The following BNC2 variants were observed in gnomAD, a reference collection of about 807,000 sequenced individuals.
The protein encoded by BNC2 is basonuclin zinc finger protein 2.
BNC2 carries 20 observed loss-of-function variants against 76.3 expected under a neutral mutation model. The ratio of observed to expected loss-of-function variants is 0.26; its 90% CI spans 0.18 to 0.38. BNC2 has a LOEUF of 0.38. Among genes scored for constraint, BNC2 ranks in the 10% least tolerant of loss-of-function variants. The pLI is 1.00. For missense variants in BNC2, 1,382 were observed against 1,399.8 expected (o/e 0.99, Z 0.20); for synonymous variants, 582 against 514.8 (o/e 1.13, Z -1.77).
chr9:16,601,386 G>A (rs1471850742), intron 3 of BNC2, among the ~76,000 whole-genome samples: 1 of 152,156 alleles, frequency 6.6e-6, no homozygotes, highest in African/African-American at 2.4e-5. Context: ...AGGGAACTGT[G>A]CTGAGATCTA....
intron 3 of BNC2, among the ~76,000 whole-genome samples, chr9:16,583,836 T>C (rs1269686885): frequency 6.6e-6 from 1 of 152,188 alleles, no homozygotes; most frequent in Non-Finnish European, 1.5e-5. Flanking sequence ...AGTACACCTG[T>C]ATTGCAGAAA....
chr9:16,643,972 G>C (rs537359170), intron 3 of BNC2, among the ~76,000 whole-genome samples: 1 of 152,218 alleles, frequency 6.6e-6, no homozygotes, highest in South Asian at 2.1e-4. Context: ...GTGTGGAATG[G>C]GGTAGGGCTA....
chr9:16,637,127 C>T (rs1587261007), intron 3 of BNC2, among the ~76,000 whole-genome samples: 1 of 151,606 alleles, frequency 6.6e-6, no homozygotes, highest in Non-Finnish European at 1.5e-5. Flanking sequence ...TCCTACCATA[C>T]CCTTATGGCT....
At chr9:16,868,899 A>G (rs1294753554) in intron 1 of BNC2, among the ~76,000 whole-genome samples, 4 of 152,274 alleles carry the variant, frequency 2.6e-5, no homozygotes, top group Non-Finnish European at 5.9e-5. Flanking sequence ...GTAACGTGCC[A>G]GAAATAAATT....
At chr9:16,512,194 A>G (rs766986316) in intron 5 of BNC2, among the ~76,000 whole-genome samples, 1 of 152,200 alleles carries the variant, frequency 6.6e-6, no homozygotes, top group Non-Finnish European at 1.5e-5. Context: ...GAAATCCTTA[A>G]AAGGGTGTTT....
At chr9:16,705,333 G>A (rs889953151) in intron 3 of BNC2, among the ~76,000 whole-genome samples, 1 of 152,252 alleles carries the variant, frequency 6.6e-6, no homozygotes, top group Non-Finnish European at 1.5e-5. Context: ...TTTTGGCCGC[G>A]CTGGGCCAGC....
intron 5 of BNC2, among the ~76,000 whole-genome samples, chr9:16,516,836 T>G (rs1817458084): frequency 6.6e-6 from 1 of 152,222 alleles, no homozygotes; most frequent in Admixed American, 6.5e-5. Context: ...ATTCCAAATG[T>G]AGTAAAATAA....
chr9:16,814,817 T>C (rs1430428238), intron 1 of BNC2, among the ~76,000 whole-genome samples: 2 of 152,160 alleles, frequency 1.3e-5, no homozygotes, highest in Non-Finnish European at 2.9e-5. Context: ...CTCAAAGACA[T>C]ACCAAGATAA....
chr9:16,542,492 A>G (rs1186386436), intron 5 of BNC2, among the ~76,000 whole-genome samples: 4 of 152,198 alleles, frequency 2.6e-5, no homozygotes, highest in Non-Finnish European at 4.4e-5. Context: ...CAGGACCACA[A>G]TGGTAGGTTT....
intron 3 of BNC2, among the ~76,000 whole-genome samples, chr9:16,654,371 A>ATCTCAG (rs1821871069): frequency 6.6e-6 from 1 of 152,174 alleles, no homozygotes; most frequent in African/African-American, 2.4e-5. Flanking sequence ...CAGATGTTAA[A>ATCTCAG]ATGTACGTAA....
chr9:16,595,714 T>C (rs1820047760), intron 3 of BNC2, among the ~76,000 whole-genome samples: 1 of 152,122 alleles, frequency 6.6e-6, no homozygotes, highest in Admixed American at 6.5e-5. Flanking sequence ...TTCTCTTTTT[T>C]CTTTTAAAGA....
intron 3 of BNC2, among the ~76,000 whole-genome samples, chr9:16,686,942 A>C (rs940764781): frequency 6.6e-6 from 1 of 152,176 alleles, no homozygotes; most frequent in Admixed American, 6.5e-5. Flanking sequence ...TGAAGTTTAC[A>C]ACCACTCTTT....
intron 3 of BNC2, among the ~76,000 whole-genome samples, chr9:16,678,267 CTTTTTTTTTTTTTTTTTT>C (rs140809930): frequency 2.5e-5 from 2 of 80,718 alleles, no homozygotes; most frequent in Non-Finnish European, 2.2e-5. Flanking sequence ...CTTTCTTTTT[CTTTTTTTTTTTTTTTTTT>C]TTTTTTTTTT....
At chr9:16,815,517 G>A (rs540839321) in intron 1 of BNC2, among the ~76,000 whole-genome samples, 19 of 152,288 alleles carry the variant, frequency 1.2e-4, no homozygotes, top group Non-Finnish European at 2.9e-5. Flanking sequence ...TATAGATGCA[G>A]AATCCCTAAG....
intron 3 of BNC2, among the ~76,000 whole-genome samples, chr9:16,664,685 T>C (rs1822212962): frequency 6.7e-6 from 1 of 148,870 alleles, no homozygotes; most frequent in Non-Finnish European, 1.5e-5. Context: ...AATAAGGGTA[T>C]TCAGGAAAAA....
intron 5 of BNC2, among the ~76,000 whole-genome samples, chr9:16,459,596 T>TGG (rs1323954856): frequency 6.9e-6 from 1 of 145,694 alleles, no homozygotes; most frequent in African/African-American, 2.4e-5. Flanking sequence ...GGCAGGAGAA[T>TGG]GGGGACTCAG....
At chr9:16,645,703 A>G (rs540614962) in intron 3 of BNC2, among the ~76,000 whole-genome samples, 55 of 152,362 alleles carry the variant, frequency 3.6e-4, no homozygotes, top group Middle Eastern at 3.4e-3. Flanking sequence ...GTATTAACAT[A>G]AACAGGATGT....
intron 3 of BNC2, among the ~76,000 whole-genome samples, chr9:16,667,658 C>A (rs1221313332): frequency 1.3e-5 from 2 of 152,040 alleles, no homozygotes; most frequent in Admixed American, 1.3e-4. Context: ...TATAATCAAA[C>A]AAGAAATGTT....
intron 1 of BNC2, among the ~76,000 whole-genome samples, chr9:16,788,338 A>G (rs76233908): frequency 0.62 from 92,953 of 150,822 alleles, 29,290 homozygotes; most frequent in Non-Finnish European, 0.69. Context: ...CAGATCATGA[A>G]GTCAGGAGAT....
Sources: allele counts gnomAD v4.1 joint callset (sites outside exome capture counted in the v4.1 genomes callset), GRCh38; gene constraint gnomAD v4.1.1; transcripts MANE v1.5; gene names NCBI Gene and HGNC (gene_info 2026-07-23, HGNC 2026-07-21).